The following CAMKMT variants were observed in gnomAD, a reference collection of about 807,000 sequenced individuals.
The protein encoded by CAMKMT is CaM KMT.
A neutral mutation model predicts 48.0 loss-of-function variants in CAMKMT; 53 were observed. The observed-to-expected ratio is 1.10, with a 90% confidence interval of 0.89 to 1.39. The LOEUF is 1.39. Ranked by LOEUF, CAMKMT falls within the 40% of genes most tolerant of loss-of-function variation. The pLI, the probability that CAMKMT is intolerant of heterozygous loss-of-function variation, is 0.00. For synonymous variants in CAMKMT, 165 were observed against 152.3 expected (o/e 1.08, Z -0.61); for missense variants, 428 against 402.7 (o/e 1.06, Z -0.54).
chr2:44,695,286 ACT>A, intron 3 of CAMKMT, among the ~76,000 whole-genome samples: 1 of 152,208 alleles, frequency 6.6e-6, no homozygotes, highest in South Asian at 2.1e-4. Flanking sequence ...TAACCATAGT[ACT>A]ATAATATTAT....
chr2:44,548,896 C>T (rs1259323872), intron 3 of CAMKMT, among the ~76,000 whole-genome samples: 1 of 152,138 alleles, frequency 6.6e-6, no homozygotes, highest in Non-Finnish European at 1.5e-5. Context: ...TTATTTCAGC[C>T]TTGTGATTCC....
chr2:44,405,036 G>A (rs983116815), intron 3 of CAMKMT, among the ~76,000 whole-genome samples: 1 of 152,028 alleles, frequency 6.6e-6, no homozygotes, highest in African/African-American at 2.4e-5. Context: ...GGAAAAGGGA[G>A]CATTGAAATT....
chr2:44,648,812 T>G (rs1322376044), intron 3 of CAMKMT, among the ~76,000 whole-genome samples: 1 of 152,192 alleles, frequency 6.6e-6, no homozygotes, highest in Non-Finnish European at 1.5e-5. Context: ...TCCACCAGCT[T>G]TCTCCCCTAG....
At chr2:44,423,901 A>G (rs1302071212) in intron 3 of CAMKMT, among the ~76,000 whole-genome samples, 3 of 152,194 alleles carry the variant, frequency 2.0e-5, no homozygotes. Flanking sequence ...AAATATGTTT[A>G]TCATGGTATT....
rs535240777 is a variant in CAMKMT, at chr2:44,554,895, A to T, written c.377-149388A>T. ...CCTCAAAATAAAATGAAATGAAAAC[A>T]CAATAAATACTGCATTAGGATCTGT... On this transcript the variant is annotated intron_variant, in intron 3 of 10. Coordinates refer to ENST00000378494, the MANE Select transcript of CAMKMT (RefSeq NM_024766.5). Among the ~76,000 whole-genome samples, 3 of 152,266 alleles carry T rather than the reference A, an allele frequency of 2.0e-5. No individual in the cohort carries two copies. In the East Asian group the frequency reaches 5.8e-4, roughly 29 times the overall value.
At chr2:44,370,427 C>T (rs1047675709) in intron 1 of CAMKMT, among the ~76,000 whole-genome samples, 2 of 152,110 alleles carry the variant, frequency 1.3e-5, no homozygotes, top group Non-Finnish European at 2.9e-5. Context: ...GGAATTTGTC[C>T]ATTTCATCTA....
chr2:44,656,305 G>T lies in CAMKMT; in HGVS notation c.377-47978G>T, dbSNP rs550830073. Among the ~76,000 whole-genome samples, 19 of 152,218 alleles carry T rather than the reference G, an allele frequency of 1.2e-4. No homozygotes were observed. In the South Asian group the frequency reaches 3.9e-3, roughly 32 times the overall value. On this transcript the variant is annotated intron_variant, in intron 3 of 10. Coordinates refer to ENST00000378494, the MANE Select transcript of CAMKMT (RefSeq NM_024766.5). ...TACCAAATCATTTCTTCATTCATAAGACAGTACATTTAAATCCTGTGAGAA... is the reference window on the plus strand; with the variant it reads ...TACCAAATCATTTCTTCATTCATAATACAGTACATTTAAATCCTGTGAGAA...
chr2:44,572,970 T>C (rs989913025), intron 3 of CAMKMT, among the ~76,000 whole-genome samples: 3 of 152,194 alleles, frequency 2.0e-5, no homozygotes, highest in Non-Finnish European at 2.9e-5. Flanking sequence ...ATTAGGAATG[T>C]TAATCTTTTC....
At chr2:44,765,273 C>T (rs1047579705) in intron 9 of CAMKMT, among the ~76,000 whole-genome samples, 7 of 151,986 alleles carry the variant, frequency 4.6e-5, no homozygotes, top group African/African-American at 1.7e-4. Flanking sequence ...GAATGCCTAG[C>T]CCAGTGTCTG....
chr2:44,755,817 C>T (rs1488404238), intron 9 of CAMKMT, among the ~76,000 whole-genome samples: 1 of 152,154 alleles, frequency 6.6e-6, no homozygotes, highest in East Asian at 1.9e-4. Flanking sequence ...AGCTGATACT[C>T]ACCCTTAGCC....
chr2:44,619,543 C>T (rs571396049), intron 3 of CAMKMT, among the ~76,000 whole-genome samples: 2 of 152,210 alleles, frequency 1.3e-5, no homozygotes, highest in Admixed American at 6.5e-5. Flanking sequence ...CAAAGTTCTA[C>T]ATTTTCTACA....
intron 3 of CAMKMT, among the ~76,000 whole-genome samples, chr2:44,399,571 C>A (rs1067333): frequency 0.71 from 108,090 of 151,290 alleles, 39,274 homozygotes; most frequent in South Asian, 0.79. Flanking sequence ...TCTCTCATCT[C>A]CTGCCATCTC....
At chr2:44,390,375 C>T (rs747645780) in intron 3 of CAMKMT, 70 bp downstream of exon 3, 2 of 1,102,592 alleles carry the variant, frequency 1.8e-6, no homozygotes, top group Non-Finnish European at 2.7e-6. Context: ...TTGATGTTTT[C>T]TTCTCACTAA....
chr2:44,602,172 AT>A (rs1056786703), intron 3 of CAMKMT, among the ~76,000 whole-genome samples: 1 of 151,640 alleles, frequency 6.6e-6, no homozygotes, highest in Non-Finnish European at 1.5e-5. Flanking sequence ...CACCTGGCTG[AT>A]TTTTGTGTTT....
intron 3 of CAMKMT, among the ~76,000 whole-genome samples, chr2:44,511,300 A>AT (rs1670536849): frequency 6.6e-6 from 1 of 151,946 alleles, no homozygotes; most frequent in Non-Finnish European, 1.5e-5. Context: ...CATTCCTTTT[A>AT]TTTTTTAAGA....
intron 3 of CAMKMT, among the ~76,000 whole-genome samples, chr2:44,553,451 C>T (rs1275887555): frequency 6.6e-6 from 1 of 151,904 alleles, no homozygotes; most frequent in Non-Finnish European, 1.5e-5. Context: ...ACCTCCACCT[C>T]CTGGGTTCAG....
chr2:44,418,104 A>C (rs1683686589), intron 3 of CAMKMT, among the ~76,000 whole-genome samples: 1 of 151,584 alleles, frequency 6.6e-6, no homozygotes, highest in Non-Finnish European at 1.5e-5. Context: ...AGGCGGGAGA[A>C]TCGATTGAAC....
At chr2:44,482,664 C>T (rs2104687056) in intron 3 of CAMKMT, among the ~76,000 whole-genome samples, 1 of 152,174 alleles carries the variant, frequency 6.6e-6, no homozygotes, top group Non-Finnish European at 1.5e-5. Flanking sequence ...GACTTCTGGA[C>T]CCTAGAAATG....
At chr2:44,383,630 C>T (rs919465942) in intron 2 of CAMKMT, among the ~76,000 whole-genome samples, 2 of 152,110 alleles carry the variant, frequency 1.3e-5, no homozygotes, top group Admixed American at 6.6e-5. Flanking sequence ...CCTTGTACCC[C>T]TCCCACTCTT....
Sources: gnomAD v4.1 joint callset for allele counts (sites outside exome capture counted in the v4.1 genomes callset) on GRCh38, gnomAD v4.1.1 for gene constraint, MANE v1.5 for transcripts, NCBI Gene and HGNC (gene_info 2026-07-23, HGNC 2026-07-21) for gene names.